The following MYO16 variants were observed in gnomAD, a reference collection of about 807,000 sequenced individuals.
MYO16 encodes the protein unconventional myosin-XVI.
In MYO16, 94 loss-of-function variants were observed where a neutral mutation model predicts 205.3. The observed-to-expected ratio is 0.46, with a 90% confidence interval of 0.39 to 0.54. The LOEUF (loss-of-function observed/expected upper bound fraction) is 0.54. Among genes scored for constraint, MYO16 ranks in the 20% least tolerant of loss-of-function variants. MYO16 has a pLI of 0.00. For missense variants in MYO16, 2,315 were observed against 2,387.5 expected, an observed-to-expected ratio of 0.97 and a Z score of 0.63; for synonymous variants, 988 against 954.0, an observed-to-expected ratio of 1.04 and a Z score of -0.66.
intron 4 of MYO16, among the ~76,000 whole-genome samples, chr13:108,771,792 A>C (rs1370221522): frequency 6.6e-6 from 1 of 152,034 alleles, no homozygotes. Flanking sequence ...GGTAATATGC[A>C]TTTAAGGTTT....
At chr13:109,058,825 C>T (rs781157910) in intron 27 of MYO16, among the ~76,000 whole-genome samples, 13 of 152,128 alleles carry the variant, frequency 8.5e-5, no homozygotes, top group African/African-American at 1.7e-4. Context: ...CAGAGTAGAA[C>T]GTCTTTCAAA....
intron 27 of MYO16, among the ~76,000 whole-genome samples, chr13:109,084,488 C>T (rs747435068): frequency 6.6e-6 from 1 of 152,078 alleles, no homozygotes; most frequent in Non-Finnish European, 1.5e-5. Context: ...TTTACCTTGA[C>T]AGCTAATGAA....
At chr13:109,032,500 T>C (rs1334001595) in intron 23 of MYO16, among the ~76,000 whole-genome samples, 1 of 152,210 alleles carries the variant, frequency 6.6e-6, no homozygotes. Flanking sequence ...GCCTCCCTTC[T>C]CTTGACTTAG....
chr13:109,021,661 G>A (rs1886025964), intron 23 of MYO16, among the ~76,000 whole-genome samples: 1 of 152,130 alleles, frequency 6.6e-6, no homozygotes, highest in Non-Finnish European at 1.5e-5. Flanking sequence ...TTCCAACACA[G>A]CACCTACCTA....
At chr13:108,630,707 A>T (rs186598307) in intron 1 of MYO16, among the ~76,000 whole-genome samples, 1 of 152,200 alleles carries the variant, frequency 6.6e-6, no homozygotes, top group African/African-American at 2.4e-5. Flanking sequence ...TTTTAAGCTT[A>T]AGGTTTTGCT....
intron 15 of MYO16, among the ~76,000 whole-genome samples, chr13:108,903,624 C>T (rs1397484132): frequency 1.3e-5 from 2 of 152,108 alleles, no homozygotes; most frequent in Non-Finnish European, 2.9e-5. Context: ...ATGAAATCAT[C>T]ACTGCTCAAA....
chr13:108,937,970 G>T (rs1303997632), intron 16 of MYO16, among the ~76,000 whole-genome samples: 4 of 152,180 alleles, frequency 2.6e-5, no homozygotes, highest in Admixed American at 1.3e-4. Flanking sequence ...TGTGGTAGCA[G>T]AATTATTGCA....
intron 1 of MYO16, among the ~76,000 whole-genome samples, chr13:108,648,183 T>C (rs1392975517): frequency 6.6e-6 from 1 of 152,224 alleles, no homozygotes; most frequent in African/African-American, 2.4e-5. Flanking sequence ...TGGGCCATAA[T>C]GGGACAAAGA....
chr13:108,945,482 A>G (rs892508971), intron 16 of MYO16, among the ~76,000 whole-genome samples: 2 of 152,210 alleles, frequency 1.3e-5, no homozygotes, highest in Non-Finnish European at 2.9e-5. Context: ...TTGACTAGAA[A>G]TTATTTTTAA....
chr13:108,892,385 G>A (rs1018285531), intron 14 of MYO16, among the ~76,000 whole-genome samples: 19 of 152,038 alleles, frequency 1.2e-4, no homozygotes, highest in South Asian at 4.2e-4. Flanking sequence ...GATTACAGGC[G>A]TGTGCCACCA....
intron 5 of MYO16, among the ~76,000 whole-genome samples, chr13:108,793,226 C>T (rs1034377435): frequency 2.0e-5 from 3 of 147,626 alleles, no homozygotes; most frequent in Non-Finnish European, 4.4e-5. Context: ...GTGGAGCTTG[C>T]GGTGAGCAGC....
At chr13:109,154,226 A>G (rs928174209) in intron 32 of MYO16, among the ~76,000 whole-genome samples, 2 of 152,140 alleles carry the variant, frequency 1.3e-5, no homozygotes, top group Non-Finnish European at 1.5e-5. Flanking sequence ...GTGCTGCCAC[A>G]CTCTTATTAA....
At chr13:109,146,975 TA>T (rs1831498779) in intron 32 of MYO16, among the ~76,000 whole-genome samples, 1 of 152,046 alleles carries the variant, frequency 6.6e-6, no homozygotes, top group Non-Finnish European at 1.5e-5. Flanking sequence ...TAAGGCATTT[TA>T]ATAAGTACTC....
chr13:109,007,284 A>AGG (rs1885422389), intron 21 of MYO16, among the ~76,000 whole-genome samples: 1 of 151,864 alleles, frequency 6.6e-6, no homozygotes, highest in Admixed American at 6.6e-5. Context: ...GCTACTCGGG[A>AGG]GGCTGAGGCA....
intron 5 of MYO16, among the ~76,000 whole-genome samples, chr13:108,787,577 A>G (rs1886496989): frequency 1.3e-5 from 2 of 152,232 alleles, no homozygotes; most frequent in Non-Finnish European, 2.9e-5. Context: ...AGTGTTTTAT[A>G]TCCTATGTAA....
At chr13:108,959,761 C>T (rs1206111729) in intron 17 of MYO16, among the ~76,000 whole-genome samples, 1 of 152,162 alleles carries the variant, frequency 6.6e-6, no homozygotes, top group Non-Finnish European at 1.5e-5. Flanking sequence ...GCTCACTACA[C>T]AGAGACGCAG....
chr13:108,706,096 T>G (rs533872552), intron 2 of MYO16, among the ~76,000 whole-genome samples: 58 of 152,264 alleles, frequency 3.8e-4, no homozygotes, highest in Admixed American at 3.6e-3. Context: ...CATGATATAG[T>G]TATCAGATTT....
chr13:108,647,856 C>T (rs926013042), intron 1 of MYO16, among the ~76,000 whole-genome samples: 1 of 152,098 alleles, frequency 6.6e-6, no homozygotes, highest in Non-Finnish European at 1.5e-5. Flanking sequence ...TAGCAAATTC[C>T]AAATAATAGA....
chr13:108,617,074 A>C (rs900593168), intron 1 of MYO16, among the ~76,000 whole-genome samples: 1 of 152,076 alleles, frequency 6.6e-6, no homozygotes, highest in Non-Finnish European at 1.5e-5. Flanking sequence ...GAACATCTTC[A>C]TTTACACAAA....
Sources: gnomAD v4.1 joint callset for allele counts (sites outside exome capture counted in the v4.1 genomes callset) on GRCh38, gnomAD v4.1.1 for gene constraint, MANE v1.5 for transcripts, NCBI Gene and HGNC (gene_info 2026-07-23, HGNC 2026-07-21) for gene names.